The following MTMR10 variants were observed in gnomAD, a reference collection of about 807,000 sequenced individuals.
MTMR10 encodes myotubularin related protein 10, also known as myotubularin-related protein 10.
Under a neutral mutation model 88.1 loss-of-function variants are expected in MTMR10, and 56 were observed. The observed-to-expected ratio is 0.64, with a 90% confidence interval of 0.51 to 0.79. The LOEUF (loss-of-function observed/expected upper bound fraction) is 0.79. MTMR10 is among the 30% of genes least tolerant of loss of function. MTMR10 has a pLI of 0.00. For missense variants in MTMR10, 883 were observed against 924.7 expected (o/e 0.95, Z 0.58); for synonymous variants, 380 against 340.9 (o/e 1.11, Z -1.26).
chr15:30,953,824 C>T (rs1454859891), intron 10 of MTMR10, among the ~76,000 whole-genome samples, 193 bp from the exon 11 acceptor site: 1 of 152,204 alleles, frequency 6.6e-6, no homozygotes, highest in Non-Finnish European at 1.5e-5. Flanking sequence ...AAAGCATTCC[C>T]CTGGGGCTCC....
intron 6 of MTMR10, 113 bp downstream of exon 6, chr15:30,967,807 A>C: frequency 1.2e-6 from 1 of 801,334 alleles, no homozygotes; most frequent in Non-Finnish European, 1.9e-6. Context: ...TAAGGTATGA[A>C]GCTAGTAATT....
chr15:30,937,600 C>T (rs754351160), downstream of MTMR10, among the ~76,000 whole-genome samples: 5 of 151,612 alleles, frequency 3.3e-5, no homozygotes, highest in Non-Finnish European at 5.9e-5. Flanking sequence ...TACAGGTGTG[C>T]GCCACCACGC....
At chr15:30,955,557 A>T (rs1463632748) in intron 9 of MTMR10, among the ~76,000 whole-genome samples, 3 of 152,146 alleles carry the variant, frequency 2.0e-5, no homozygotes, top group Non-Finnish European at 4.4e-5. Flanking sequence ...GGCGTGAGCC[A>T]CCGCGCCCGG....
chr15:30,925,224 C>T, the MTMR10 span: 15 of 1,613,998 alleles, frequency 9.3e-6, no homozygotes, highest in East Asian at 1.1e-4. Flanking sequence ...CGAGAGTCTC[C>T]GAGCTGTAAA....
chr15:30,923,261 G>C, the MTMR10 span, among the ~76,000 whole-genome samples: 2 of 152,178 alleles, frequency 1.3e-5, no homozygotes, highest in Admixed American at 1.3e-4. Context: ...AGGGTGTGGG[G>C]CTTCCTTACC....
At chr15:30,969,805 A>C (rs1483689436) in intron 5 of MTMR10, among the ~76,000 whole-genome samples, 4 of 152,108 alleles carry the variant, frequency 2.6e-5, no homozygotes, top group Non-Finnish European at 5.9e-5. Context: ...CTCAGGTCAG[A>C]GAAAAACAGG....
At position 30,941,657 on chromosome 15, in the gene MTMR10, A is replaced by C. The variant is rs1219243738; in HGVS notation, c.2147T>G (p.Met716Arg). The change falls in exon 16 of 16, where the codon ATG (methionine) becomes AGG (arginine). Residue 716 changes from methionine (M) to arginine (R), a missense_variant. Transcript: ENST00000435680. ...ACYGELGQSRMYFNASGPHHT... is the reference protein window; with the variant it reads ...ACYGELGQSRRYFNASGPHHT... The stretch of plus-strand genomic sequence containing the variant: ...GTGAGGGCCGCTGGCGTTGAAGTAC[A>C]TCCTGCTCTGGCCCAGCTCCCCATA... 3 of 1,612,628 alleles carry C rather than the reference A, an allele frequency of 1.9e-6. No individual in the cohort carries two copies. In the South Asian group the frequency reaches 3.3e-5, roughly 18 times the overall value.
At chr15:30,954,403 A>G (rs1281256057) in intron 10 of MTMR10, among the ~76,000 whole-genome samples, 1 of 152,226 alleles carries the variant, frequency 6.6e-6, no homozygotes, top group Non-Finnish European at 1.5e-5. Flanking sequence ...TTTGATACCC[A>G]TGTCAAGTCA....
At chr15:30,959,341 G>A (rs954561265) in intron 7 of MTMR10, among the ~76,000 whole-genome samples, 10 of 152,168 alleles carry the variant, frequency 6.6e-5, no homozygotes, top group Admixed American at 1.3e-4. Flanking sequence ...TTTATAGCAT[G>A]AGAAAATTCC....
downstream of MTMR10, chr15:30,937,398 A>T: frequency 1.3e-6 from 1 of 773,862 alleles, no homozygotes; most frequent in Non-Finnish European, 2.0e-6. Flanking sequence ...ATATCACAAA[A>T]CAGTGTTTGC....
At chr15:30,930,564 G>A in the MTMR10 span, 8 of 1,600,034 alleles carry the variant, frequency 5.0e-6, no homozygotes, top group Non-Finnish European at 6.8e-6. Context: ...CTGCCTGGGG[G>A]GCCCTGTGCT....
rs2063187629 is a variant in MTMR10, at chr15:30,947,463, A to G, written c.1378-163T>C. On this transcript the variant is annotated intron_variant, in intron 13 of 15. Transcript: ENST00000435680. ...GAGCTATACACATCTATCAAACCCA[A>G]GAAGTAACATTCAACCGTGATAAAC... 2.0e-5 allele frequency among the ~76,000 whole-genome samples: 3 copies of G among 152,244 alleles called. No individual in the cohort carries two copies. The South Asian group carries it at 6.2e-4, about 31-fold the overall frequency.
chr15:30,929,723 T>C, the MTMR10 span, among the ~76,000 whole-genome samples: 2 of 43,174 alleles, frequency 4.6e-5, no homozygotes, highest in African/African-American at 2.0e-4. Flanking sequence ...ATAATATATA[T>C]AAAATATATA....
At chr15:30,942,489 C>G (rs1369235197) in intron 15 of MTMR10, 1 of 260,386 alleles carries the variant, frequency 3.8e-6, no homozygotes, top group African/African-American at 2.2e-5. Flanking sequence ...AAAAAAATCC[C>G]AAGAATTTAT....
intron 11 of MTMR10, 144 bp from the exon 12 acceptor site, chr15:30,952,182 C>T (rs1332947101): frequency 1.3e-6 from 1 of 743,760 alleles, no homozygotes; most frequent in Non-Finnish European, 2.2e-6. Flanking sequence ...CCCATGATAA[C>T]CCACTGTAAG....
At chr15:30,918,912 A>G in the MTMR10 span, among the ~76,000 whole-genome samples, 3 of 152,196 alleles carry the variant, frequency 2.0e-5, no homozygotes, top group Non-Finnish European at 4.4e-5. Context: ...GACCCCTCAG[A>G]CAGTCAAGAA....
intron 5 of MTMR10, among the ~76,000 whole-genome samples, chr15:30,973,697 G>C (rs2029892117): frequency 6.6e-6 from 1 of 152,090 alleles, no homozygotes; most frequent in Non-Finnish European, 1.5e-5. Flanking sequence ...AGGTCTACCA[G>C]CTTCACTCCT....
intron 2 of MTMR10, among the ~76,000 whole-genome samples, chr15:30,978,811 C>T (rs2141056833): frequency 6.6e-6 from 1 of 152,218 alleles, no homozygotes; most frequent in East Asian, 1.9e-4. Flanking sequence ...ATTAAATGTA[C>T]TGCAGTGTAG....
At chr15:30,967,369 A>G (rs1432422081) in intron 6 of MTMR10, among the ~76,000 whole-genome samples, 14 of 152,266 alleles carry the variant, frequency 9.2e-5, no homozygotes, top group Middle Eastern at 6.8e-3. Flanking sequence ...ATATAGACAA[A>G]ACTATTTACT....
Sources: allele counts gnomAD v4.1 joint callset (sites outside exome capture counted in the v4.1 genomes callset), GRCh38; gene constraint gnomAD v4.1.1; transcripts MANE v1.5; gene names NCBI Gene and HGNC (gene_info 2026-07-23, HGNC 2026-07-21).